Variants in ANKRD28 observed in about 807,000 individuals in gnomAD.
The protein encoded by ANKRD28 is serine/threonine-protein phosphatase 6 regulatory ankyrin repeat subunit A.
In ANKRD28, 44 loss-of-function variants were observed where a neutral mutation model predicts 126.5. The ratio of observed to expected loss-of-function variants is 0.35; its 90% CI spans 0.27 to 0.45. The LOEUF (loss-of-function observed/expected upper bound fraction) is 0.45. ANKRD28 is among the 20% of genes least tolerant of loss of function. The pLI, the probability that ANKRD28 is intolerant of heterozygous loss-of-function variation, is 1.00. For missense variants in ANKRD28, 1,110 were observed against 1,316.6 expected, an observed-to-expected ratio of 0.84 and a Z score of 2.43; for synonymous variants, 442 against 468.5, an observed-to-expected ratio of 0.94 and a Z score of 0.73.
At chr3:15,764,579 A>C (rs1025450573) in intron 3 of ANKRD28, among the ~76,000 whole-genome samples, 3 of 152,124 alleles carry the variant, frequency 2.0e-5, no homozygotes, top group African/African-American at 7.2e-5. Flanking sequence ...AATCATATAA[A>C]ATAATATTTA....
At chr3:15,794,976 GTTTT>G (rs1015615006) in intron 2 of ANKRD28, among the ~76,000 whole-genome samples, 1 of 152,080 alleles carries the variant, frequency 6.6e-6, no homozygotes, top group African/African-American at 2.4e-5. Context: ...TAGTCAGCAT[GTTTT>G]TTTAACTTCC....
At chr3:15,787,844 A>G (rs1259818801) in intron 2 of ANKRD28, among the ~76,000 whole-genome samples, 2 of 152,244 alleles carry the variant, frequency 1.3e-5, no homozygotes, top group Non-Finnish European at 2.9e-5. Context: ...ACATCATTTC[A>G]ATGATTTCAG....
intron 2 of ANKRD28, among the ~76,000 whole-genome samples, chr3:15,773,536 A>T (rs2059118094): frequency 6.6e-6 from 1 of 152,174 alleles, no homozygotes; most frequent in African/African-American, 2.4e-5. Context: ...GAGGCAGGAG[A>T]ATTGCTTGAA....
Position 15,690,140 on chromosome 3 carries a change from T to C in ANKRD28, c.1842A>G (p.Arg614=). 6.2e-7 allele frequency: 1 copy of C among 1,609,942 alleles called. No individual in the cohort carries two copies. Among genetic ancestry groups the C allele is most frequent in the Middle Eastern group, 1.7e-4 (1 of 6,058 alleles). ...LDLDVRNSSG[R]TPLDLAAFKG... is the part of the protein sequence containing the mutation. ...TAAAAGCTGCAAGATCTAGGGGTGT[T>C]CTTCCACTACTATTTCTGACATCAA... The change falls in exon 18 of 28, where the codon AGA becomes AGG. Residue 614 remains arginine, a synonymous_variant. Coordinates refer to ENST00000683139, the MANE Select transcript of ANKRD28 (RefSeq NM_001349278.2).
intron 1 of ANKRD28, among the ~76,000 whole-genome samples, chr3:15,855,372 A>C (rs1382271423): frequency 2.0e-5 from 3 of 151,934 alleles, no homozygotes; most frequent in Non-Finnish European, 2.9e-5. Context: ...CCAACACCTT[A>C]AACATATCAG....
At chr3:15,707,016 T>C (rs1323816719) in intron 14 of ANKRD28, among the ~76,000 whole-genome samples, 1 of 152,110 alleles carries the variant, frequency 6.6e-6, no homozygotes, top group African/African-American at 2.4e-5. Flanking sequence ...AATTAAAGAG[T>C]TTATACTAAA....
intron 2 of ANKRD28, among the ~76,000 whole-genome samples, chr3:15,778,375 A>C (rs2059392128): frequency 6.6e-6 from 1 of 152,174 alleles, no homozygotes; most frequent in African/African-American, 2.4e-5. Flanking sequence ...CACAAAGTTG[A>C]AATCAAGGTG....
chr3:15,689,756 C>T, intron 18 of ANKRD28: 1 of 303,700 alleles, frequency 3.3e-6, no homozygotes, highest in Middle Eastern at 9.8e-4. Context: ...ATTTTTTGTG[C>T]TTGGTTTACT....
intron 3 of ANKRD28, among the ~76,000 whole-genome samples, chr3:15,752,563 T>C (rs549985234): frequency 6.0e-4 from 91 of 152,314 alleles, no homozygotes; most frequent in Middle Eastern, 3.4e-3. Flanking sequence ...AAGCAGCACA[T>C]GCATGGTAGG....
At chr3:15,691,052 G>T (rs2068729488) in intron 17 of ANKRD28, among the ~76,000 whole-genome samples, 1 of 151,762 alleles carries the variant, frequency 6.6e-6, no homozygotes, top group Non-Finnish European at 1.5e-5. Context: ...AGCCCTGCTT[G>T]AATATCACCA....
rs187061217 is a variant in ANKRD28 at position 15,754,187 on chromosome 3, C to T, written c.281-2367G>A. 3.8e-3 allele frequency among the ~76,000 whole-genome samples: 574 copies of T among 152,168 alleles called. 3 individuals are homozygous for T. The highest frequency in any genetic ancestry group is 0.018 in the South Asian group (87 of 4,812). Reference sequence around the variant, plus strand: ...GGGAAAATTCCAGAAATAAATAATTCATAAATTTTAAATTGCTCACTGTTC... The same window carrying T: ...GGGAAAATTCCAGAAATAAATAATTTATAAATTTTAAATTGCTCACTGTTC... On this transcript the variant is annotated intron_variant, in intron 3 of 27. Transcript: ENST00000683139.
At chr3:15,705,999 T>TCAAAA (rs1036480794) in intron 14 of ANKRD28, among the ~76,000 whole-genome samples, 6 of 151,036 alleles carry the variant, frequency 4.0e-5, no homozygotes, top group African/African-American at 1.2e-4. Context: ...AGATTCCATC[T>TCAAAA]CAAAACGAAA....
At chr3:15,695,269 A>C in intron 15 of ANKRD28, 55 bp from the exon 16 acceptor site, 1 of 1,301,596 alleles carries the variant, frequency 7.7e-7, no homozygotes, top group Non-Finnish European at 1.1e-6. Context: ...CATCTATATT[A>C]AGTCTCAACT....
In ANKRD28 at chr3:15,812,848, G is replaced by C. The variant is rs1405993193; in HGVS notation, c.28-17542C>G. On this transcript the variant is annotated intron_variant, in intron 1 of 27. Transcript: ENST00000399451. The surrounding 1 kb of genome is among the most constrained non-coding windows in gnomAD (Gnocchi z 4.1). ...ATCTAGACCCTCCTGAAAAGGCCAG[G>C]TAAAGATTCACAATCAGAGATTTCA... Among the ~76,000 whole-genome samples the C allele has an allele frequency of 6.6e-6, 1 of 152,042 alleles. No individual in the cohort carries two copies. The highest frequency in any genetic ancestry group is 2.4e-5 in the African/African-American group (1 of 41,384).
intron 14 of ANKRD28, among the ~76,000 whole-genome samples, chr3:15,699,235 T>C (rs143270279): frequency 8.1e-4 from 123 of 152,216 alleles, no homozygotes; most frequent in African/African-American, 2.7e-3. Context: ...TATACAAAAA[T>C]TAACTCAAGA....
At chr3:15,790,196 A>G (rs1319839904) in intron 2 of ANKRD28, among the ~76,000 whole-genome samples, 1 of 152,130 alleles carries the variant, frequency 6.6e-6, no homozygotes, top group African/African-American at 2.4e-5. Context: ...TAATGGCTTC[A>G]CTGCTGAATT....
rs797019947 is a variant in ANKRD28, at chr3:15,682,456, G to A, written c.2389+2770C>T. 2.0e-5 allele frequency among the ~76,000 whole-genome samples: 3 copies of A among 152,192 alleles called. No homozygotes were observed. In the South Asian group the frequency reaches 6.2e-4, roughly 31 times the overall value. ...TAACTTTCTATCATCATTTATGAAA[G>A]ATAGATAGGATGGTAAACTGGGTCC... On this transcript the variant is annotated intron_variant, in intron 21 of 27. Transcript: ENST00000683139.
At chr3:15,755,714 C>T (rs917226172) in intron 3 of ANKRD28, among the ~76,000 whole-genome samples, 2 of 152,142 alleles carry the variant, frequency 1.3e-5, no homozygotes, top group African/African-American at 4.8e-5. Context: ...AACCAAATGT[C>T]GTTAACCGCC....
intron 4 of ANKRD28, among the ~76,000 whole-genome samples, chr3:15,738,047 G>A (rs950153229): frequency 6.6e-6 from 1 of 152,048 alleles, no homozygotes; most frequent in East Asian, 1.9e-4. Flanking sequence ...CTATAAATTG[G>A]ACTCATGGCA....
Sources: allele counts gnomAD v4.1 joint callset (sites outside exome capture counted in the v4.1 genomes callset), GRCh38; gene constraint gnomAD v4.1.1; non-coding constraint Gnocchi (gnomAD v3.1); transcripts MANE v1.5; gene names NCBI Gene and HGNC (gene_info 2026-07-23, HGNC 2026-07-21).